Variants in CFAP299 observed in about 807,000 individuals in gnomAD.
CFAP299 encodes the protein cilia and flagella associated protein 299.
CFAP299 carries 21 observed loss-of-function variants against 27.0 expected under a neutral mutation model. The ratio of observed to expected loss-of-function variants is 0.78; its 90% CI spans 0.55 to 1.12. The LOEUF (loss-of-function observed/expected upper bound fraction) is 1.12, where lower values mean the gene tolerates loss of function less well. Ranked by LOEUF, CFAP299 falls within the 50% of genes most tolerant of loss-of-function variation. The pLI is 0.00. For synonymous variants in CFAP299, 104 were observed against 98.1 expected, an observed-to-expected ratio of 1.06 and a Z score of -0.36; for missense variants, 310 against 276.6, an observed-to-expected ratio of 1.12 and a Z score of -0.86.
intron 3 of CFAP299, among the ~76,000 whole-genome samples, chr4:80,603,316 A>G (rs528382681): frequency 1.3e-4 from 20 of 152,300 alleles, no homozygotes; most frequent in Non-Finnish European, 2.5e-4. Flanking sequence ...ATCACTTTAT[A>G]AATACATGGT....
chr4:80,785,611 C>T (rs1203869023), intron 3 of CFAP299, among the ~76,000 whole-genome samples: 2 of 152,046 alleles, frequency 1.3e-5, no homozygotes, highest in African/African-American at 4.8e-5. Context: ...ATTAAATAAT[C>T]ACTTATTGGC....
At chr4:80,505,022 A>G (rs1370288759) in intron 2 of CFAP299, among the ~76,000 whole-genome samples, 2 of 149,100 alleles carry the variant, frequency 1.3e-5, no homozygotes, top group Non-Finnish European at 3.0e-5. Context: ...TATATCATTT[A>G]TATGTCAATA....
At position 80,386,237 on chromosome 4, in the gene CFAP299, C is replaced by T. The variant is rs1236014764; in HGVS notation, c.242+23353C>T. ...AGCATGGCACATGGGCCCTCGGCCC[C>T]GGCCTGCAGCCCCGCCAGAGCCAGG... On this transcript the variant is annotated intron_variant, in intron 2 of 5. Coordinates refer to ENST00000358105, the MANE Select transcript of CFAP299 (RefSeq NM_152770.3). The T allele has an allele frequency of 4.6e-6, 5 of 1,079,966 alleles. No individual in the cohort carries two copies. In the East Asian group the frequency reaches 9.7e-5, roughly 21 times the overall value. The allele number at this position is 1,079,966 out of a possible 1,614,324, so 66.9% of individuals were successfully genotyped here. A position where few individuals can be genotyped will look rare whatever the true frequency, so the allele number is the denominator to read the frequency against.
At chr4:80,377,898 C>T (rs746399021) in intron 2 of CFAP299, among the ~76,000 whole-genome samples, 7 of 152,148 alleles carry the variant, frequency 4.6e-5, no homozygotes, top group Non-Finnish European at 2.9e-5. Context: ...GGAGGTGAAA[C>T]GCACTTCTCA....
At chr4:80,387,121 G>T (rs1725055274) in intron 2 of CFAP299, 15 of 1,438,182 alleles carry the variant, frequency 1.0e-5, no homozygotes, top group Non-Finnish European at 1.5e-5. Context: ...GTGGATATTT[G>T]TTGACACGTT....
intron 3 of CFAP299, among the ~76,000 whole-genome samples, chr4:80,681,339 C>T (rs776247090): frequency 2.3e-4 from 35 of 151,494 alleles, no homozygotes; most frequent in Middle Eastern, 3.4e-3. Flanking sequence ...GGAAGTTTAA[C>T]GAAGGATGAA....
At chr4:80,371,847 C>T (rs1460944661) in intron 2 of CFAP299, among the ~76,000 whole-genome samples, 1 of 152,170 alleles carries the variant, frequency 6.6e-6, no homozygotes, top group Non-Finnish European at 1.5e-5. Flanking sequence ...CCCTCATTTT[C>T]CTGTCTTCAT....
chr4:80,406,511 C>A (rs1053648155), intron 2 of CFAP299, among the ~76,000 whole-genome samples: 1 of 152,126 alleles, frequency 6.6e-6, no homozygotes, highest in East Asian at 1.9e-4. Context: ...ACCATAGGCT[C>A]ATGCCACCAC....
intron 3 of CFAP299, among the ~76,000 whole-genome samples, chr4:80,758,703 T>C (rs1251025538): frequency 6.6e-6 from 1 of 152,198 alleles, no homozygotes; most frequent in Non-Finnish European, 1.5e-5. Flanking sequence ...TGGTCTTAAA[T>C]GATACTAATA....
intron 3 of CFAP299, among the ~76,000 whole-genome samples, chr4:80,641,732 A>G (rs1739736640): frequency 6.6e-6 from 1 of 152,216 alleles, no homozygotes; most frequent in Non-Finnish European, 1.5e-5. Flanking sequence ...GGGACATCAC[A>G]TGGACGTGAT....
At position 80,413,930 on chromosome 4, in the gene CFAP299, C is replaced by G. The variant is rs535894473; in HGVS notation, c.242+51046C>G. On this transcript the variant is annotated intron_variant, in intron 2 of 5. Coordinates refer to ENST00000358105, the MANE Select transcript of CFAP299 (RefSeq NM_152770.3). ...AAAATGTGATTGACCCAGTTTCAGT[C>G]ACTTCTGGTTAAGAGGGCAGAATCA... is the stretch of plus-strand genomic sequence containing the variant. Among the ~76,000 whole-genome samples the G allele has an allele frequency of 1.6e-4, 25 of 152,098 alleles. No homozygotes were observed. The South Asian group carries it at 5.2e-3, about 32-fold the overall frequency.
At chr4:80,690,202 A>T (rs1055599490) in intron 3 of CFAP299, among the ~76,000 whole-genome samples, 3 of 151,220 alleles carry the variant, frequency 2.0e-5, no homozygotes, top group African/African-American at 7.4e-5. Flanking sequence ...TCTAATAGAC[A>T]TCTACAGAAC....
intron 3 of CFAP299, among the ~76,000 whole-genome samples, chr4:80,651,265 TTCTCTTTC>T (rs1032781925): frequency 1.0e-4 from 15 of 144,996 alleles, no homozygotes; most frequent in African/African-American, 3.8e-4. Flanking sequence ...CTTCCTTTCT[TTCTCTTTC>T]TCTCTTTCTC....
At chr4:80,776,502 A>G (rs144038699) in intron 3 of CFAP299, among the ~76,000 whole-genome samples, 7 of 152,142 alleles carry the variant, frequency 4.6e-5, no homozygotes, top group South Asian at 2.1e-4. Flanking sequence ...CAACAGAATT[A>G]AGATGTTCTC....
At chr4:80,822,221 A>G (rs1400401350) in intron 3 of CFAP299, among the ~76,000 whole-genome samples, 8 of 152,180 alleles carry the variant, frequency 5.3e-5, no homozygotes, top group African/African-American at 1.9e-4. Context: ...ACTTTGTTGA[A>G]GGTCTGATCA....
chr4:80,499,229 C>G (rs1172217259), intron 2 of CFAP299, among the ~76,000 whole-genome samples: 2 of 152,094 alleles, frequency 1.3e-5, no homozygotes, highest in African/African-American at 2.4e-5. Context: ...CATTTTCCCT[C>G]TGAATCCAAA....
chr4:80,472,417 A>C (rs747113660), intron 2 of CFAP299, among the ~76,000 whole-genome samples: 40 of 152,294 alleles, frequency 2.6e-4, no homozygotes, highest in Middle Eastern at 3.4e-3. Flanking sequence ...CATTTTCCCC[A>C]AAAAAACTAT....
At chr4:80,951,068 T>C (rs1309199852) in intron 5 of CFAP299, among the ~76,000 whole-genome samples, 1 of 152,204 alleles carries the variant, frequency 6.6e-6, no homozygotes, top group African/African-American at 2.4e-5. Flanking sequence ...TTCATTGGTG[T>C]GATTTTAGAA....
At chr4:80,519,737 C>T (rs1732807443) in intron 2 of CFAP299, among the ~76,000 whole-genome samples, 1 of 152,130 alleles carries the variant, frequency 6.6e-6, no homozygotes, top group African/African-American at 2.4e-5. Context: ...GCTTAAGAGG[C>T]ATTCAAGGCT....
Sources: allele counts gnomAD v4.1 joint callset (sites outside exome capture counted in the v4.1 genomes callset), GRCh38; gene constraint gnomAD v4.1.1; transcripts MANE v1.5; gene names NCBI Gene and HGNC (gene_info 2026-07-23, HGNC 2026-07-21).